The following EPHA8 variants were observed in gnomAD, a reference collection of about 807,000 sequenced individuals.
The protein encoded by EPHA8 is ephrin type-A receptor 8.
In EPHA8, 58 loss-of-function variants were observed where a neutral mutation model predicts 103.6. That is an observed-to-expected ratio of 0.56 (90% CI 0.45 to 0.70). EPHA8 has a LOEUF of 0.70. EPHA8 is among the 30% of genes least tolerant of loss of function. EPHA8 has a pLI of 0.00. For synonymous variants in EPHA8, 559 were observed against 572.5 expected (o/e 0.98, Z 0.34); for missense variants, 1,304 against 1,395.2 (o/e 0.93, Z 1.04).
intron 3 of EPHA8, among the ~76,000 whole-genome samples, chr1:22,578,213 CGTGTGA>C (rs1557560031): frequency 3.0e-5 from 2 of 66,476 alleles, no homozygotes; most frequent in African/African-American, 1.2e-4. Context: ...CGAGTGTGTG[CGTGTGA>C]GTGTGCATGT....
chr1:22,596,489 G>A (rs1179415150), intron 9 of EPHA8, among the ~76,000 whole-genome samples: 4 of 152,098 alleles, frequency 2.6e-5, no homozygotes, highest in East Asian at 3.9e-4. Flanking sequence ...TCAGGATCCT[G>A]TAGAGATCCC....
At chr1:22,568,206 A>G (rs1190236629) in intron 1 of EPHA8, among the ~76,000 whole-genome samples, 2 of 152,174 alleles carry the variant, frequency 1.3e-5, no homozygotes, top group South Asian at 2.1e-4. Flanking sequence ...CCCATTTTAC[A>G]GATGAGAAAA....
chr1:22,564,328 AGGGCCACAGTCTGGCGAC>A (rs1310908795), intron 1 of EPHA8, among the ~76,000 whole-genome samples: 48 of 143,872 alleles, frequency 3.3e-4, no homozygotes, highest in African/African-American at 1.1e-3. Flanking sequence ...TCAGGGCCCG[AGGGCCACAGTCTGGCGAC>A]GGGCTGGGGA....
chr1:22,585,810 G>A (rs891632611), intron 3 of EPHA8, among the ~76,000 whole-genome samples: 3 of 152,182 alleles, frequency 2.0e-5, no homozygotes, highest in African/African-American at 7.2e-5. Flanking sequence ...TGCGCTTCTT[G>A]GATAGTCACC....
At chr1:22,583,046 G>T (rs561546792) in intron 3 of EPHA8, among the ~76,000 whole-genome samples, 11 of 152,334 alleles carry the variant, frequency 7.2e-5, no homozygotes, top group Middle Eastern at 3.4e-3. Flanking sequence ...GGCTCTTTGC[G>T]GGGGAGAGCA....
chr1:22,567,252 G>A lies in EPHA8; in HGVS notation c.95-2037G>A, dbSNP rs1307837319. Among the ~76,000 whole-genome samples the A allele has an allele frequency of 2.0e-5, 3 of 152,078 alleles. No homozygotes were observed. The highest frequency in any genetic ancestry group is 2.9e-5 in the Non-Finnish European group (2 of 68,002). On this transcript the variant is annotated intron_variant, in intron 1 of 16. Transcript: ENST00000166244. The surrounding 1 kb of genome is among the most constrained non-coding windows in gnomAD (Gnocchi z 4.2). ...CTGTGTCTGGGATGCGGGGTGGGGCGGGGGGACCCATACGTGTGTGTCCTT... is the reference window on the plus strand; with the variant it reads ...CTGTGTCTGGGATGCGGGGTGGGGCAGGGGGACCCATACGTGTGTGTCCTT...
intron 1 of EPHA8, among the ~76,000 whole-genome samples, chr1:22,566,384 G>A (rs552481107): frequency 2.0e-5 from 3 of 152,350 alleles, no homozygotes; most frequent in Admixed American, 1.3e-4. Flanking sequence ...GGGGGAAGGC[G>A]ACGGTGCTGG....
rs1221309032 is a variant in EPHA8 at position 22,597,318 on chromosome 1, C to A, written c.1772C>A (p.Pro591Gln). 1 of 1,605,008 alleles carries A rather than the reference C, an allele frequency of 6.2e-7. No individual in the cohort carries two copies. Among genetic ancestry groups the A allele is most frequent in the South Asian group, 1.1e-5 (1 of 90,632 alleles). The change falls in exon 10 of 17, where the codon CCA becomes CAA. Residue 591 changes from proline to glutamine, a missense_variant. Physicochemically the swap from Pro to Gln is moderately conservative, Grantham distance 76. Coordinates refer to ENST00000166244, the MANE Select transcript of EPHA8 (RefSeq NM_020526.5). The surrounding 1 kb of genome is among the most constrained non-coding windows in gnomAD (Gnocchi z 4.6). ...CCCTCCTCCCGCCCCTCAGCACCCC[C>A]ACCTGTCTTCCTGCCTCTGCATCAC... ...KMHYQNGQAP[P>Q]PVFLPLHHPP...
intron 5 of EPHA8, among the ~76,000 whole-genome samples, chr1:22,591,401 T>G (rs1344957191): frequency 6.7e-6 from 1 of 148,720 alleles, no homozygotes; most frequent in African/African-American, 2.5e-5. Context: ...TTTTTTTTTT[T>G]GTAGAGATGG....
At position 22,577,827 on chromosome 1, in the gene EPHA8, TGTGC is replaced by T. The variant is rs1435742933; in HGVS notation, c.823+951_823+954del. Among the ~76,000 whole-genome samples, 108 of 144,978 alleles carry T rather than the reference TGTGC, an allele frequency of 7.4e-4. 1 individual carries two copies. The highest frequency in any genetic ancestry group is 1.5e-3 in the Non-Finnish European group (99 of 66,994). ...GTGTATGTGTGCATGTGTGTGCATG[TGTGC>T]GTGTGTGCATGTATGTGTGCATGCG... On this transcript the variant is annotated intron_variant, in intron 3 of 16. Coordinates refer to ENST00000166244, the MANE Select transcript of EPHA8 (RefSeq NM_020526.5).
intron 3 of EPHA8, among the ~76,000 whole-genome samples, chr1:22,577,921 GTATGTGTGCGTGAGTGTA>G (rs1039656096): frequency 9.1e-5 from 3 of 32,874 alleles, no homozygotes; most frequent in African/African-American, 3.1e-4. Flanking sequence ...GTGCGTGAGT[GTATGTGTGCGTGAGTGTA>G]TGTGTGCGAG....
intron 1 of EPHA8, among the ~76,000 whole-genome samples, chr1:22,566,234 C>T (rs1429778000): frequency 1.3e-5 from 2 of 152,248 alleles, no homozygotes; most frequent in African/African-American, 2.4e-5. Context: ...GGCTTATCCT[C>T]CACTTTGAGG....
intron 4 of EPHA8, among the ~76,000 whole-genome samples, chr1:22,588,392 A>G (rs943935102): frequency 6.6e-6 from 1 of 152,140 alleles, no homozygotes; most frequent in African/African-American, 2.4e-5. Context: ...GCACACAGCC[A>G]TGGGGATACA....
Position 22,576,672 on chromosome 1 carries a change from T to C in EPHA8, c.615T>C (p.Pro205=), listed in dbSNP as rs773763560. The C allele has an allele frequency of 3.1e-6, 5 of 1,613,724 alleles. No homozygotes were observed. The highest frequency in any genetic ancestry group is 1.1e-5 in the South Asian group (1 of 91,080). The change falls in exon 3 of 17, where the codon CCT becomes CCC. Residue 205 remains proline (P), a synonymous_variant. Transcript: ENST00000166244. The surrounding 1 kb of genome is among the most constrained non-coding windows in gnomAD (Gnocchi z 4.8). ...TCCGCATCTACTATAAGAAGTGCCCTGCCATGGTGCGCAATCTGGCTGCCT... is the reference window on the plus strand; with the variant it reads ...TCCGCATCTACTATAAGAAGTGCCCCGCCATGGTGCGCAATCTGGCTGCCT... ...LSLRIYYKKC[P]AMVRNLAAFS...
rs769067119 is a variant in EPHA8 at position 22,593,658 on chromosome 1, G to T, written c.1575G>T (p.Gln525His). ...RTSAGCGRFS[Q>H]AMEVETGKPR... is the part of the protein sequence containing the mutation. Reference sequence around the variant, plus strand: ...CAGCAGGCTGTGGCCGCTTCAGCCAGGCCATGGAGGTGGAGACCGGGAAAC... The same window carrying T: ...CAGCAGGCTGTGGCCGCTTCAGCCATGCCATGGAGGTGGAGACCGGGAAAC... Residue 525 changes from glutamine (Q) to histidine (H), a missense_variant, in exon 7 of 17, where the codon CAG becomes CAT. Coordinates refer to ENST00000166244, the MANE Select transcript of EPHA8 (RefSeq NM_020526.5). 1.8e-5 allele frequency: 29 copies of T among 1,603,186 alleles called. No individual in the cohort carries two copies. The highest frequency in any genetic ancestry group is 2.5e-5 in the Non-Finnish European group (29 of 1,175,230).
rs955835811 is a variant in EPHA8 at position 22,579,354 on chromosome 1, C to T, written c.823+2474C>T. Among the ~76,000 whole-genome samples the T allele has an allele frequency of 6.2e-5, 9 of 145,784 alleles. No individual in the cohort carries two copies. The South Asian group carries it at 1.3e-3, about 21-fold the overall frequency. On this transcript the variant is annotated intron_variant, in intron 3 of 16. Transcript: ENST00000166244. ...CCATGTGTGCATGAGTGTATGTATG[C>T]GTGTGTGTATGTGTGCATGAGTGTA... is the stretch of plus-strand genomic sequence containing the variant.
In EPHA8 at chr1:22,597,907, C is replaced by A; in HGVS notation, c.2116+46C>A. On this transcript the variant is annotated intron_variant, in intron 11 of 16. Transcript: ENST00000166244. The surrounding 1 kb of genome is among the most constrained non-coding windows in gnomAD (Gnocchi z 4.6). Reference sequence around the variant, plus strand: ...GCCTCCCCCTGCAGTGCCCCTCCTGCCTGGAGAGGCCTCTGGGTCCATCCC... The same window carrying A: ...GCCTCCCCCTGCAGTGCCCCTCCTGACTGGAGAGGCCTCTGGGTCCATCCC... The A allele has an allele frequency of 6.3e-7, 1 of 1,574,852 alleles. No individual in the cohort carries two copies. The highest frequency in any genetic ancestry group is 1.3e-5 in the African/African-American group (1 of 74,394).
chr1:22,578,920 CGTTTATGTGTGCATGT>C (rs1557561929), intron 3 of EPHA8, among the ~76,000 whole-genome samples: 2 of 131,844 alleles, frequency 1.5e-5, no homozygotes, highest in African/African-American at 5.9e-5. Context: ...TATGCATGTG[CGTTTATGTGTGCATGT>C]GTGTATGTAT....
At position 22,597,711 on chromosome 1, in the gene EPHA8, G is replaced by A; in HGVS notation, c.1966G>A (p.Val656Met). Reference protein sequence around the residue: ...SGEVCYGRLRVPGQRDVPVAI... With the variant: ...SGEVCYGRLRMPGQRDVPVAI... The stretch of plus-strand genomic sequence containing the variant: ...GGAAGTCTGCTACGGGAGGCTGCGG[G>A]TGCCAGGGCAGCGGGATGTGCCCGT... The change falls in exon 11 of 17, where the codon GTG becomes ATG. Residue 656 changes from valine (V) to methionine (M), a missense_variant. Transcript: ENST00000166244. The surrounding 1 kb of genome is among the most constrained non-coding windows in gnomAD (Gnocchi z 4.6). 1 of 1,612,292 alleles carries A rather than the reference G, an allele frequency of 6.2e-7. No homozygotes were observed. The highest frequency in any genetic ancestry group is 8.5e-7 in the Non-Finnish European group (1 of 1,179,510).
Sources: allele counts gnomAD v4.1 joint callset (sites outside exome capture counted in the v4.1 genomes callset), GRCh38; gene constraint gnomAD v4.1.1; non-coding constraint Gnocchi (gnomAD v3.1); transcripts MANE v1.5; gene names NCBI Gene and HGNC (gene_info 2026-07-23, HGNC 2026-07-21).